The following RPS6KC1 variants were observed in gnomAD, a reference collection of about 807,000 sequenced individuals.
RPS6KC1 encodes the protein ribosomal protein S6 kinase C1, also known as inactive ribosomal protein S6 kinase delta-1.
Under a neutral mutation model 103.8 loss-of-function variants are expected in RPS6KC1, and 54 were observed. That is an observed-to-expected ratio of 0.52 (90% CI 0.42 to 0.65). The LOEUF is 0.65. Among genes scored for constraint, RPS6KC1 ranks in the 30% least tolerant of loss-of-function variants. The pLI, the probability that RPS6KC1 is intolerant of heterozygous loss-of-function variation, is 0.00. For synonymous variants in RPS6KC1, 439 were observed against 438.7 expected (o/e 1.00, Z -0.01); for missense variants, 1,151 against 1,253.8 (o/e 0.92, Z 1.24).
chr1:213,485,301 A>G, the RPS6KC1 span, among the ~76,000 whole-genome samples: 1 of 152,198 alleles, frequency 6.6e-6, no homozygotes, highest in South Asian at 2.1e-4. Flanking sequence ...GGATTTATCT[A>G]CCAACTCTCT....
the RPS6KC1 span, among the ~76,000 whole-genome samples, chr1:213,588,168 C>T: frequency 7.2e-5 from 11 of 152,064 alleles, no homozygotes; most frequent in African/African-American, 4.8e-5. Flanking sequence ...CTCAACCTCC[C>T]GGGCTCAAGT....
the RPS6KC1 span, among the ~76,000 whole-genome samples, chr1:213,725,400 G>A: frequency 1.1e-3 from 164 of 152,178 alleles, no homozygotes; most frequent in South Asian, 8.9e-3. Context: ...CATCCTCCCC[G>A]TGCTCTCAGG....
intron 14 of RPS6KC1, among the ~76,000 whole-genome samples, chr1:213,265,475 C>T (rs1444518150): frequency 6.6e-6 from 1 of 152,052 alleles, no homozygotes. Context: ...ATTGTCATTG[C>T]AGTTAATTCT....
At chr1:213,626,575 T>C in the RPS6KC1 span, among the ~76,000 whole-genome samples, 8 of 152,246 alleles carry the variant, frequency 5.3e-5, no homozygotes, top group South Asian at 2.1e-4. Context: ...ACATTTAAGT[T>C]TTTAATCCAT....
At chr1:213,135,456 C>T (rs1417661049) in intron 6 of RPS6KC1, among the ~76,000 whole-genome samples, 1 of 152,126 alleles carries the variant, frequency 6.6e-6, no homozygotes, top group Non-Finnish European at 1.5e-5. Flanking sequence ...TAAACAAATA[C>T]AGAATATTTC....
the RPS6KC1 span, among the ~76,000 whole-genome samples, chr1:213,327,040 C>CTTT: frequency 1.5e-5 from 2 of 136,842 alleles, no homozygotes; most frequent in African/African-American, 2.7e-5. Context: ...TTTTCTTTTT[C>CTTT]TTTTTTTTTT....
chr1:213,086,464 A>G (rs143549057), intron 3 of RPS6KC1, among the ~76,000 whole-genome samples: 24 of 152,310 alleles, frequency 1.6e-4, no homozygotes, highest in South Asian at 6.2e-4. Context: ...ATTGCCTCCA[A>G]TGAGATCTGA....
chr1:213,445,738 CT>C, the RPS6KC1 span, among the ~76,000 whole-genome samples: 1 of 152,232 alleles, frequency 6.6e-6, no homozygotes, highest in African/African-American at 2.4e-5. Context: ...GTGGCCCACA[CT>C]TTCGCCTGGG....
chr1:213,251,931 T>TAAAC (rs1459342356), intron 12 of RPS6KC1, among the ~76,000 whole-genome samples: 2 of 152,202 alleles, frequency 1.3e-5, no homozygotes, highest in Non-Finnish European at 2.9e-5. Context: ...ACAGAAGAAA[T>TAAAC]ATACAATTGG....
At chr1:213,129,941 G>A in intron 6 of RPS6KC1, 52 bp downstream of exon 6, 3 of 1,493,168 alleles carry the variant, frequency 2.0e-6, no homozygotes, top group African/African-American at 1.4e-5. Flanking sequence ...TGGTATGTGG[G>A]AAAAAAAAGT....
chr1:213,380,925 T>G, the RPS6KC1 span, among the ~76,000 whole-genome samples: 1 of 152,178 alleles, frequency 6.6e-6, no homozygotes. Flanking sequence ...CCGTGGGGTC[T>G]TAGGGAACAC....
At chr1:213,838,102 A>G in the RPS6KC1 span, among the ~76,000 whole-genome samples, 1 of 152,208 alleles carries the variant, frequency 6.6e-6, no homozygotes, top group Admixed American at 6.5e-5. Context: ...CCTAGTATAA[A>G]TGAATTTTGT....
At chr1:213,178,094 A>G (rs997909066) in intron 8 of RPS6KC1, among the ~76,000 whole-genome samples, 4 of 151,530 alleles carry the variant, frequency 2.6e-5, no homozygotes, top group Non-Finnish European at 5.9e-5. Flanking sequence ...CTGAGGGGAA[A>G]GGATCCCCTG....
chr1:213,741,333 T>G, the RPS6KC1 span, among the ~76,000 whole-genome samples: 2 of 152,124 alleles, frequency 1.3e-5, no homozygotes, highest in African/African-American at 4.8e-5. Flanking sequence ...AGAAGCAATG[T>G]TTTTGCAGCA....
At chr1:213,197,385 T>C (rs539831715) in intron 8 of RPS6KC1, among the ~76,000 whole-genome samples, 64 of 152,228 alleles carry the variant, frequency 4.2e-4, no homozygotes, top group Non-Finnish European at 8.7e-4. Flanking sequence ...AATATGGTCA[T>C]ATTCACAATA....
the RPS6KC1 span, among the ~76,000 whole-genome samples, chr1:213,527,698 A>G: frequency 1.3e-5 from 2 of 152,076 alleles, no homozygotes; most frequent in Non-Finnish European, 2.9e-5. Context: ...GACACGTTGT[A>G]ATTGTACATA....
At chr1:213,802,536 G>A in the RPS6KC1 span, among the ~76,000 whole-genome samples, 1 of 152,140 alleles carries the variant, frequency 6.6e-6, no homozygotes, top group Admixed American at 6.5e-5. Flanking sequence ...CACCTTTCTG[G>A]CTGACAGATC....
the RPS6KC1 span, among the ~76,000 whole-genome samples, chr1:213,689,274 A>G: frequency 1.2e-3 from 179 of 152,148 alleles, 1 homozygote; most frequent in Middle Eastern, 6.8e-3. Flanking sequence ...GTGTATCCCA[A>G]AGGTCCCTTC....
the RPS6KC1 span, among the ~76,000 whole-genome samples, chr1:213,696,793 G>C: frequency 6.6e-6 from 1 of 152,184 alleles, no homozygotes; most frequent in Non-Finnish European, 1.5e-5. Flanking sequence ...AGCACCTCTA[G>C]TCACCAAAAT....
Sources: gnomAD v4.1 joint callset for allele counts (sites outside exome capture counted in the v4.1 genomes callset) on GRCh38, gnomAD v4.1.1 for gene constraint, MANE v1.5 for transcripts, NCBI Gene and HGNC (gene_info 2026-07-23, HGNC 2026-07-21) for gene names.